TBX21: variants seen among roughly 807,000 people sequenced by gnomAD.
The protein encoded by TBX21 is T-box transcription factor 21, also known as T-box transcription factor TBX21.
A neutral mutation model predicts 52.2 loss-of-function variants in TBX21; 11 were observed. The observed-to-expected ratio is 0.21, with a 90% CI of 0.13 to 0.35. TBX21 has a LOEUF of 0.35. Among genes scored for constraint, TBX21 ranks in the 10% least tolerant of loss-of-function variants. The pLI is 1.00. For synonymous variants in TBX21, 300 were observed against 316.1 expected (o/e 0.95, Z 0.54); for missense variants, 625 against 755.1 (o/e 0.83, Z 2.02).
At chr17:47,744,120 C>T in intron 3 of TBX21, 75 bp from the exon 4 acceptor site, 1 of 1,563,762 alleles carries the variant, frequency 6.4e-7, no homozygotes. Flanking sequence ...CACGTGGGGC[C>T]AGCTGTTGGT....
chr17:47,745,243 A>G lies in TBX21; in HGVS notation c.1485A>G (p.Gly495=). 2 of 1,614,194 alleles carry G rather than the reference A, an allele frequency of 1.2e-6. No homozygotes were observed. The highest frequency in any genetic ancestry group is 1.7e-6 in the Non-Finnish European group (2 of 1,180,018). ...PESSDSGLGE[G]DSKRRRVSPY... Reference sequence around the variant, plus strand: ...CCAGTGATTCAGGACTGGGCGAAGGAGACTCTAAGAGGAGGCGCGTGTCCC... The same window carrying G: ...CCAGTGATTCAGGACTGGGCGAAGGGGACTCTAAGAGGAGGCGCGTGTCCC... Residue 495 remains glycine (G), a synonymous_variant, in exon 6 of 6, where the codon GGA becomes GGG. Transcript: ENST00000177694.
At chr17:47,736,302 T>G (rs767231406) in intron 1 of TBX21, among the ~76,000 whole-genome samples, 3 of 152,172 alleles carry the variant, frequency 2.0e-5, no homozygotes, top group Non-Finnish European at 4.4e-5. Context: ...TCACTTCGCT[T>G]CTTCTGTCTG....
intron 3 of TBX21, among the ~76,000 whole-genome samples, chr17:47,743,813 G>A (rs1388224424): frequency 1.3e-5 from 2 of 150,230 alleles, no homozygotes; most frequent in African/African-American, 2.5e-5. Flanking sequence ...CCGGGAGGCA[G>A]AGGTTACAGT....
chr17:47,737,933 C>T (rs1268737352), intron 1 of TBX21, among the ~76,000 whole-genome samples: 1 of 151,988 alleles, frequency 6.6e-6, no homozygotes, highest in African/African-American at 2.4e-5. Flanking sequence ...CCCAACTTTT[C>T]AGATCTTAAA....
chr17:47,736,020 AG>A (rs1409579165), intron 1 of TBX21, among the ~76,000 whole-genome samples: 2 of 152,184 alleles, frequency 1.3e-5, no homozygotes, highest in Non-Finnish European at 2.9e-5. Context: ...AGCCAGCTTC[AG>A]GGAGGCTGTA....
At position 47,744,868 on chromosome 17, in the gene TBX21, C is replaced by T. The variant is rs572935924; in HGVS notation, c.1110C>T (p.Tyr370=). 6.2e-7 allele frequency: 1 copy of T among 1,614,238 alleles called. No individual in the cohort carries two copies. Among genetic ancestry groups the T allele is most frequent in the African/African-American group, 1.3e-5 (1 of 75,052 alleles). Residue 370 remains tyrosine, a synonymous_variant, in exon 6 of 6, where the codon TAC becomes TAT. Coordinates refer to ENST00000177694, the MANE Select transcript of TBX21 (RefSeq NM_013351.2). ...AGTATCCTGTTCCCAGCCGCTTCTA[C>T]CCCGACCTTCCTGGCCAGGCGAAGG... ...PNQYPVPSRF[Y]PDLPGQAKDV... is the part of the protein sequence containing the mutation.
At position 47,745,472 on chromosome 17, in the gene TBX21, C is replaced by G; in HGVS notation, c.*106C>G. On this transcript the variant is annotated 3_prime_UTR_variant, in exon 6 of 6. Coordinates refer to ENST00000177694, the MANE Select transcript of TBX21 (RefSeq NM_013351.2). ...TGAGAAGGCCCCCGCTCCCTCTGGC[C>G]CTTCTCTGTTTAGTAGTTGGTTGGG... 6.8e-7 allele frequency: 1 copy of G among 1,462,726 alleles called. No individual in the cohort carries two copies. Among genetic ancestry groups the G allele is most frequent in the South Asian group, 1.4e-5 (1 of 72,270 alleles). 90.6% of individuals were successfully genotyped at this position (1,462,726 alleles called of 1,614,324 possible).
chr17:47,733,894 G>A lies in TBX21; in HGVS notation c.440G>A (p.Trp147Ter). The change falls in exon 1 of 6, where the codon TGG becomes TAG. Residue 147 changes from tryptophan to a stop codon, truncating the protein, a stop_gained. Transcript: ENST00000177694. LOFTEE classifies it high-confidence loss of function. The surrounding 1 kb of genome is among the most constrained non-coding windows in gnomAD (Gnocchi z 6.6). The stretch of plus-strand genomic sequence containing the variant: ...GTCGCGCTCAACAACCACCTGTTGT[G>A]GTCCAAGTTTAATCAGCACCAGACA... ...LRVALNNHLL[W>*]SKFNQHQTEM... 6.2e-7 allele frequency: 1 copy of A among 1,613,676 alleles called. No homozygotes were observed. The highest frequency in any genetic ancestry group is 8.5e-7 in the Non-Finnish European group (1 of 1,179,924).
chr17:47,733,851 G>T lies in TBX21; in HGVS notation c.397G>T (p.Val133Leu). Reference sequence around the variant, plus strand: ...CTACGCGCTACCCGCGGGACTGGAGGTGTCGGGGAAACTGAGGGTCGCGCT... The same window carrying T: ...CTACGCGCTACCCGCGGGACTGGAGTTGTCGGGGAAACTGAGGGTCGCGCT... ...EDYALPAGLE[V>L]SGKLRVALNN... Residue 133 changes from valine to leucine, a missense_variant, in exon 1 of 6, where the codon GTG becomes TTG. By Grantham distance (32) the Val-to-Leu change is conservative. Coordinates refer to ENST00000177694, the MANE Select transcript of TBX21 (RefSeq NM_013351.2). This position sits in a 1 kb window ranked among gnomAD's most constrained non-coding sequence, Gnocchi z 6.6. The T allele has an allele frequency of 6.2e-7, 1 of 1,612,150 alleles. No homozygotes were observed.
chr17:47,742,826 C>T lies in TBX21; in HGVS notation c.646+62C>T. 3 of 1,504,594 alleles carry T rather than the reference C, an allele frequency of 2.0e-6. No individual in the cohort carries two copies. The highest frequency in any genetic ancestry group is 2.5e-5 in the East Asian group (1 of 40,460). The allele number at this position is 1,504,594 out of a possible 1,614,324, so 93.2% of individuals were successfully genotyped here. A position where few individuals can be genotyped will look rare whatever the true frequency, so the allele number is the denominator to read the frequency against. On this transcript the variant is annotated intron_variant, in intron 2 of 5. Coordinates refer to ENST00000177694, the MANE Select transcript of TBX21 (RefSeq NM_013351.2). This position sits in a 1 kb window ranked among gnomAD's most constrained non-coding sequence, Gnocchi z 4.4. ...CTGGGACTGGGCGCCCCCTGGTGGGCCCACCAAGCCCCTACCCCTAATTCC... is the reference window on the plus strand; with the variant it reads ...CTGGGACTGGGCGCCCCCTGGTGGGTCCACCAAGCCCCTACCCCTAATTCC...
At position 47,744,324 on chromosome 17, in the gene TBX21, A is replaced by G; in HGVS notation, c.898A>G (p.Ile300Val). The change falls in exon 4 of 6, where the codon ATT becomes GTT. Residue 300 changes from isoleucine (I) to valine (V), a missense_variant. Physicochemically the swap from Ile to Val is conservative, Grantham distance 29. Transcript: ENST00000177694. ...HIFTFQETQFIAVTAYQNAEI... is the reference protein window; with the variant it reads ...HIFTFQETQFVAVTAYQNAEI... Reference sequence around the variant, plus strand: ...CTTTACTTTCCAAGAAACCCAGTTCATTGCCGTGACTGCCTACCAGAATGC... The same window carrying G: ...CTTTACTTTCCAAGAAACCCAGTTCGTTGCCGTGACTGCCTACCAGAATGC... 1 of 1,614,216 alleles carries G rather than the reference A, an allele frequency of 6.2e-7. No homozygotes were observed.
intron 1 of TBX21, among the ~76,000 whole-genome samples, chr17:47,734,161 C>A (rs1232119743): frequency 6.6e-6 from 1 of 152,212 alleles, no homozygotes. Flanking sequence ...AGAGGACTCA[C>A]AAGGGAGACG....
intron 1 of TBX21, among the ~76,000 whole-genome samples, chr17:47,741,655 G>A (rs2032267968): frequency 6.6e-6 from 1 of 152,132 alleles, no homozygotes; most frequent in Non-Finnish European, 1.5e-5. Flanking sequence ...GGGTGTCATG[G>A]GTCTGGGAGT....
rs116207990 is a variant in TBX21, at chr17:47,737,934, A to T, written c.491+3989A>T. Among the ~76,000 whole-genome samples, 498 of 152,040 alleles carry T rather than the reference A, an allele frequency of 3.3e-3. 2 individuals carry two copies. The highest frequency in any genetic ancestry group is 0.011 in the African/African-American group (442 of 41,448). ...GCCACCGCACCTGGCCCAACTTTTC[A>T]GATCTTAAAAAATTTTTTTTAATTT... On this transcript the variant is annotated intron_variant, in intron 1 of 5. Transcript: ENST00000177694.
At chr17:47,739,033 G>A (rs927877840) in intron 1 of TBX21, among the ~76,000 whole-genome samples, 2 of 151,662 alleles carry the variant, frequency 1.3e-5, no homozygotes, top group Admixed American at 6.6e-5. Context: ...GAGGTATGAC[G>A]ACCCTGTGAA....
chr17:47,734,593 GT>G (rs1567918889), intron 1 of TBX21, among the ~76,000 whole-genome samples: 3 of 140,460 alleles, frequency 2.1e-5, no homozygotes, highest in East Asian at 2.1e-4. Flanking sequence ...GTGTGTGTGT[GT>G]GTGTGTGTGT....
intron 1 of TBX21, among the ~76,000 whole-genome samples, chr17:47,734,247 G>A (rs1441310161): frequency 5.3e-5 from 8 of 152,094 alleles, no homozygotes; most frequent in Admixed American, 6.6e-5. Flanking sequence ...ATTGGTGTGC[G>A]CCCCTGCCCC....
chr17:47,739,716 C>T lies in TBX21; in HGVS notation c.492-2894C>T, dbSNP rs143903253. Among the ~76,000 whole-genome samples the T allele has an allele frequency of 1.5e-3, 220 of 151,028 alleles. 1 individual carries two copies. Among genetic ancestry groups the T allele is most frequent in the African/African-American group, 3.9e-3 (159 of 41,054 alleles). ...GGCGGAGCTTGCAGTGAGCCAAGAT[C>T]ACACCACTGCACTACAGCCTGGGCA... On this transcript the variant is annotated intron_variant, in intron 1 of 5. Coordinates refer to ENST00000177694, the MANE Select transcript of TBX21 (RefSeq NM_013351.2).
Position 47,742,787 on chromosome 17 carries a change from T to G in TBX21, c.646+23T>G. On this transcript the variant is annotated intron_variant, in intron 2 of 5. Coordinates refer to ENST00000177694, the MANE Select transcript of TBX21 (RefSeq NM_013351.2). This position sits in a 1 kb window ranked among gnomAD's most constrained non-coding sequence, Gnocchi z 4.4. ...CAGGTGCGCGCGCCCCTGGGAGCGG[T>G]GGGCTCTGTTTCGCTGGGACTGGGC... is the stretch of plus-strand genomic sequence containing the variant. The G allele has an allele frequency of 6.5e-7, 1 of 1,547,238 alleles. No individual in the cohort carries two copies. The highest frequency in any genetic ancestry group is 8.7e-7 in the Non-Finnish European group (1 of 1,145,078).
Sources: gnomAD v4.1 joint callset for allele counts (sites outside exome capture counted in the v4.1 genomes callset) on GRCh38, gnomAD v4.1.1 for gene constraint, Gnocchi (gnomAD v3.1) non-coding constraint, MANE v1.5 for transcripts, NCBI Gene and HGNC (gene_info 2026-07-23, HGNC 2026-07-21) for gene names.